Variants in ERICH3 observed in about 807,000 individuals in gnomAD.
ERICH3 encodes the protein glutamate rich 3, also known as glutamate-rich protein 3.
A neutral mutation model predicts 131.1 loss-of-function variants in ERICH3; 126 were observed. The ratio of observed to expected loss-of-function variants is 0.96; its 90% CI spans 0.83 to 1.11. The LOEUF (loss-of-function observed/expected upper bound fraction) is 1.11. ERICH3 is among the 50% of genes most tolerant of loss of function. The probability of loss-of-function intolerance (pLI) is 0.00; values close to 1 mark genes in which losing one functional copy is unlikely to be tolerated. For missense variants in ERICH3, 2,050 were observed against 1,810.7 expected (o/e 1.13, Z -2.40); for synonymous variants, 695 against 644.6 (o/e 1.08, Z -1.18).
intron 11 of ERICH3, among the ~76,000 whole-genome samples, chr1:74,593,340 A>G (rs1647695178): frequency 1.3e-5 from 2 of 152,126 alleles, no homozygotes; most frequent in South Asian, 4.1e-4. Context: ...AGAAAAAATA[A>G]CATATTCTCC....
chr1:74,587,324 C>G (rs1357967640), intron 12 of ERICH3, among the ~76,000 whole-genome samples: 1 of 56,286 alleles, frequency 1.8e-5, no homozygotes, highest in Non-Finnish European at 3.9e-5. Flanking sequence ...GACTCCATCT[C>G]AAAAAAAAAA....
intron 11 of ERICH3, among the ~76,000 whole-genome samples, chr1:74,593,955 AC>A (rs1485116377): frequency 6.6e-6 from 1 of 152,074 alleles, no homozygotes; most frequent in Non-Finnish European, 1.5e-5. Flanking sequence ...CTGACTTTTC[AC>A]TGTTACCACT....
intron 6 of ERICH3, among the ~76,000 whole-genome samples, chr1:74,636,015 T>G (rs1266543626): frequency 6.6e-6 from 1 of 152,212 alleles, no homozygotes; most frequent in Non-Finnish European, 1.5e-5. Flanking sequence ...CCCTTTGTTT[T>G]TCAATCAGCC....
rs748020745 is a variant in ERICH3, at chr1:74,572,828, T to A, written c.2882A>T (p.Asp961Val). 1.9e-6 allele frequency: 3 copies of A among 1,613,882 alleles called. No homozygotes were observed. The South Asian group carries it at 3.3e-5, about 18-fold the overall frequency. ...ACCGTCCTCTCTCTTTGATGCTGTG[T>A]CCTCCATGGGTCCTGTGTCCTCTAG... ...IDLEDTGPME[D>V]TASKREDGSE... The change falls in exon 14 of 15, where the codon GAC becomes GTC. Residue 961 changes from aspartate to valine, a missense_variant. Asp to Val is a radical substitution (Grantham distance 152, BLOSUM62 -3). Transcript: ENST00000326665.
chr1:74,598,897 A>C (rs187720345), intron 11 of ERICH3, among the ~76,000 whole-genome samples: 3 of 152,026 alleles, frequency 2.0e-5, no homozygotes, highest in Admixed American at 6.6e-5. Context: ...AATCTAGCCT[A>C]AAGATACAGA....
chr1:74,581,015 T>A (rs961040159), intron 12 of ERICH3, among the ~76,000 whole-genome samples: 18 of 152,234 alleles, frequency 1.2e-4, no homozygotes, highest in Non-Finnish European at 1.9e-4. Context: ...TGGCAAATAT[T>A]TCTTCCAGAG....
At chr1:74,612,833 T>G (rs1360378499) in intron 8 of ERICH3, 24 bp from the exon 9 acceptor site, 1 of 1,533,728 alleles carries the variant, frequency 6.5e-7, no homozygotes. Context: ...AGAAATACAT[T>G]AGTGAAAGCA....
chr1:74,658,748 G>T (rs890887714), intron 1 of ERICH3, among the ~76,000 whole-genome samples: 3 of 152,020 alleles, frequency 2.0e-5, no homozygotes, highest in African/African-American at 7.2e-5. Flanking sequence ...CCAGTGTGTT[G>T]TTCACTTACC....
chr1:74,602,769 A>C (rs1161998148), intron 10 of ERICH3, among the ~76,000 whole-genome samples: 1 of 151,936 alleles, frequency 6.6e-6, no homozygotes, highest in Non-Finnish European at 1.5e-5. Context: ...AAAGAAAATG[A>C]AAAGCTTTCA....
chr1:74,595,617 C>A (rs1647809794), intron 11 of ERICH3, among the ~76,000 whole-genome samples: 2 of 152,058 alleles, frequency 1.3e-5, no homozygotes, highest in South Asian at 4.1e-4. Context: ...TATTTTCATT[C>A]ATCTGTTGAT....
Position 74,599,947 on chromosome 1 carries a change from C to A in ERICH3, c.1490-16G>T, listed in dbSNP as rs1648048315. ...TCTTCATACTCTGAAATAGGAAAAT[C>A]TCCACTATAAGAATGAAAATAGAAC... On this transcript the variant is annotated splice_polypyrimidine_tract_variant and intron_variant, in intron 10 of 14. Coordinates refer to ENST00000326665, the MANE Select transcript of ERICH3 (RefSeq NM_001002912.5). 1 of 1,567,994 alleles carries A rather than the reference C, an allele frequency of 6.4e-7. No homozygotes were observed. Among genetic ancestry groups the A allele is most frequent in the Non-Finnish European group, 8.7e-7 (1 of 1,149,114 alleles).
At chr1:74,599,429 G>A (rs914306718) in intron 11 of ERICH3, among the ~76,000 whole-genome samples, 1 of 151,848 alleles carries the variant, frequency 6.6e-6, no homozygotes, top group Admixed American at 6.6e-5. Flanking sequence ...CTATTGAAGG[G>A]TGGAGCATGG....
intron 12 of ERICH3, chr1:74,586,286 TGTATA>T: frequency 1.5e-6 from 1 of 649,022 alleles, no homozygotes; most frequent in Non-Finnish European, 1.9e-6. Context: ...CAGAACAAAA[TGTATA>T]GTATGTTTCC....
chr1:74,599,631 C>A, intron 11 of ERICH3, 64 bp downstream of exon 11: 2 of 1,304,842 alleles, frequency 1.5e-6, no homozygotes, highest in Non-Finnish European at 2.1e-6. Flanking sequence ...AAATAGAAAA[C>A]AAAGAAAAGT....
intron 10 of ERICH3, among the ~76,000 whole-genome samples, chr1:74,605,501 G>GT (rs534288196): frequency 1.4e-3 from 213 of 147,926 alleles, no homozygotes; most frequent in African/African-American, 3.6e-3. Flanking sequence ...AAGCCTAATC[G>GT]TTTTTTTTTT....
intron 7 of ERICH3, among the ~76,000 whole-genome samples, chr1:74,629,940 A>C (rs1649537108): frequency 1.3e-5 from 2 of 152,098 alleles, no homozygotes; most frequent in South Asian, 4.1e-4. Flanking sequence ...GGGCAGGAAA[A>C]AGGGGGCTCT....
intron 1 of ERICH3, among the ~76,000 whole-genome samples, chr1:74,654,686 A>G (rs571294521): frequency 2.8e-4 from 42 of 152,080 alleles, no homozygotes; most frequent in Non-Finnish European, 5.4e-4. Context: ...CCTCATCTCC[A>G]AATACTATCA....
chr1:74,609,493 T>C (rs1648585069), intron 9 of ERICH3, among the ~76,000 whole-genome samples: 2 of 152,032 alleles, frequency 1.3e-5, no homozygotes, highest in Admixed American at 6.6e-5. Flanking sequence ...TAATAACCTT[T>C]GGGGTAGTTC....
In ERICH3 at chr1:74,642,967, G is replaced by GT. The variant is rs920712842; in HGVS notation, c.315+59dup. 272 of 1,299,014 alleles carry GT rather than the reference G, an allele frequency of 2.1e-4. 2 individuals carry two copies. Among genetic ancestry groups the GT allele is most frequent in the Middle Eastern group, 6.2e-4 (3 of 4,820 alleles). 80.5% of individuals were successfully genotyped at this position (1,299,014 alleles called of 1,614,324 possible). A position where few individuals can be genotyped will look rare whatever the true frequency, so the allele number is the denominator to read the frequency against. ...AGGGAACTGGAATCATAGTTTCACTGTTTTTTTTAAAATCATAAAATAATA... is the reference window on the plus strand; with the variant it reads ...AGGGAACTGGAATCATAGTTTCACTGTTTTTTTTTAAAATCATAAAATAATA... On this transcript the variant is annotated intron_variant, in intron 4 of 14. Coordinates refer to ENST00000326665, the MANE Select transcript of ERICH3 (RefSeq NM_001002912.5).
Sources: allele counts gnomAD v4.1 joint callset (sites outside exome capture counted in the v4.1 genomes callset), GRCh38; gene constraint gnomAD v4.1.1; transcripts MANE v1.5; gene names NCBI Gene and HGNC (gene_info 2026-07-23, HGNC 2026-07-21).